CEP170: variants seen among roughly 807,000 people sequenced by gnomAD.
CEP170 encodes centrosomal protein 170.
In CEP170, 21 loss-of-function variants were observed where a neutral mutation model predicts 151.9. That is an observed-to-expected ratio of 0.14 (90% confidence interval 0.10 to 0.20). The LOEUF (loss-of-function observed/expected upper bound fraction) is 0.20. Among genes scored for constraint, CEP170 ranks in the 10% least tolerant of loss-of-function variants. CEP170 has a pLI of 1.00. For synonymous variants in CEP170, 356 were observed against 648.8 expected (o/e 0.55, Z 6.86); for missense variants, 964 against 1,892.9 (o/e 0.51, Z 9.11).
chr1:243,221,547 T>C (rs1187434619), intron 3 of CEP170, 177 bp downstream of exon 3: 1 of 559,236 alleles, frequency 1.8e-6, no homozygotes, highest in African/African-American at 2.0e-5. Flanking sequence ...CTTTGGAATA[T>C]GGGCTAGTTT....
At chr1:243,149,605 CTT>C (rs1362492973) in intron 14 of CEP170, among the ~76,000 whole-genome samples, 1 of 152,138 alleles carries the variant, frequency 6.6e-6, no homozygotes, top group Non-Finnish European at 1.5e-5. Flanking sequence ...GCAGATATGC[CTT>C]ATTGCTTGAT....
chr1:243,128,162 A>G, intron 19 of CEP170, 87 bp downstream of exon 19: 2 of 1,245,814 alleles, frequency 1.6e-6, no homozygotes, highest in South Asian at 1.7e-5. Flanking sequence ...ATCAAATAAC[A>G]TCCTAACAAT....
Position 243,124,724 on chromosome 1 carries a change from CTT to C in CEP170, c.*1723_*1724del, listed in dbSNP as rs1469517993. ...GAGCAATGCTGATTATTTTGTCCAA[CTT>C]TTTCTTCAAATGGATTGACCCTGTT... On this transcript the variant is annotated 3_prime_UTR_variant, in exon 20 of 20. Transcript: ENST00000366542. 1 of 152,566 alleles carries C rather than the reference CTT, an allele frequency of 6.6e-6. No individual in the cohort carries two copies. Among genetic ancestry groups the C allele is most frequent in the African/African-American group, 2.4e-5 (1 of 41,448 alleles). 9.5% of individuals were successfully genotyped at this position (152,566 alleles called of 1,614,324 possible).
chr1:243,191,797 G>T lies in CEP170; in HGVS notation c.632-303C>A, dbSNP rs145616699. On this transcript the variant is annotated intron_variant, in intron 7 of 19. Coordinates refer to ENST00000366542, the MANE Select transcript of CEP170 (RefSeq NM_014812.3). ...CCATATTTTTTCCAACCTGGATCTA[G>T]AATTCATCAAGGTCCAAAAGAATTA... Among the ~76,000 whole-genome samples, 13 of 152,214 alleles carry T rather than the reference G, an allele frequency of 8.5e-5. No homozygotes were observed. In the East Asian group the frequency reaches 2.5e-3, roughly 29 times the overall value.
chr1:243,158,647 G>C (rs1400524092), intron 13 of CEP170, among the ~76,000 whole-genome samples: 1 of 152,112 alleles, frequency 6.6e-6, no homozygotes, highest in African/African-American at 2.4e-5. Flanking sequence ...GGATCAAAAT[G>C]CAATTACATT....
At chr1:243,204,215 CTGAA>C (rs1249087293) in intron 4 of CEP170, among the ~76,000 whole-genome samples, 1 of 152,146 alleles carries the variant, frequency 6.6e-6, no homozygotes, top group Admixed American at 6.6e-5. Flanking sequence ...CTTAACTTCT[CTGAA>C]TGAAAGTTCT....
intron 14 of CEP170, among the ~76,000 whole-genome samples, chr1:243,153,819 A>C (rs1043020597): frequency 7.9e-5 from 12 of 152,218 alleles, no homozygotes; most frequent in African/African-American, 2.9e-4. Context: ...TACTGTAGAT[A>C]ATCTTCCAGT....
At chr1:243,191,634 C>T in intron 7 of CEP170, 140 bp from the exon 8 acceptor site, 1 of 616,810 alleles carries the variant, frequency 1.6e-6, no homozygotes, top group Non-Finnish European at 2.8e-6. Flanking sequence ...GCATTTATAT[C>T]ACAGAACAAA....
intron 1 of CEP170, among the ~76,000 whole-genome samples, chr1:243,232,681 A>C (rs1440773678): frequency 6.6e-6 from 1 of 152,194 alleles, no homozygotes; most frequent in African/African-American, 2.4e-5. Context: ...GGACACATAA[A>C]GATAAAACAA....
intron 1 of CEP170, among the ~76,000 whole-genome samples, chr1:243,233,136 T>C (rs1355982679): frequency 6.6e-6 from 1 of 152,220 alleles, no homozygotes; most frequent in Non-Finnish European, 1.5e-5. Context: ...CTGTTTTCAC[T>C]AGCAATCTGA....
chr1:243,207,257 A>G (rs1168701155), intron 4 of CEP170, among the ~76,000 whole-genome samples: 1 of 152,180 alleles, frequency 6.6e-6, no homozygotes, highest in Admixed American at 6.5e-5. Flanking sequence ...TATTAAGACA[A>G]ACTAGATTTC....
chr1:243,195,539 A>G (rs1017822118), intron 7 of CEP170, among the ~76,000 whole-genome samples: 1 of 152,026 alleles, frequency 6.6e-6, no homozygotes, highest in Non-Finnish European at 1.5e-5. Context: ...ATTACTAGGT[A>G]GCAAACACTC....
At chr1:243,238,433 G>A (rs2064467418) in intron 1 of CEP170, among the ~76,000 whole-genome samples, 1 of 152,030 alleles carries the variant, frequency 6.6e-6, no homozygotes, top group Admixed American at 6.6e-5. Context: ...CACTCTAGCT[G>A]GGGCAACACA....
intron 6 of CEP170, 122 bp from the exon 7 acceptor site, chr1:243,199,316 C>T (rs2060869821): frequency 2.2e-6 from 2 of 907,344 alleles, no homozygotes; most frequent in Admixed American, 2.8e-5. Context: ...GTCTTGATAG[C>T]TAAAATGTAC....
chr1:243,223,501 G>C (rs1053355596), intron 2 of CEP170, among the ~76,000 whole-genome samples: 1 of 152,200 alleles, frequency 6.6e-6, no homozygotes, highest in Admixed American at 6.5e-5. Context: ...GCTTCACTAA[G>C]TGAACAACTT....
Position 243,217,067 on chromosome 1 carries a change from T to A in CEP170, c.195+4657A>T, listed in dbSNP as rs138633222. 1.4e-3 allele frequency among the ~76,000 whole-genome samples: 216 copies of A among 152,290 alleles called. 1 individual carries two copies. Among genetic ancestry groups the A allele is most frequent in the African/African-American group, 5.0e-3 (206 of 41,548 alleles). On this transcript the variant is annotated intron_variant, in intron 3 of 19. Transcript: ENST00000366542. The stretch of plus-strand genomic sequence containing the variant: ...CTACACACCCAGGCTGTATTGTATA[T>A]CCTATTGCTCCTAGGCTACAAATCT...
chr1:243,131,274 T>C (rs932008348), intron 17 of CEP170, among the ~76,000 whole-genome samples: 2 of 152,126 alleles, frequency 1.3e-5, no homozygotes, highest in African/African-American at 4.8e-5. Flanking sequence ...GGTGGATCAC[T>C]TGATGCCAGG....
Position 243,254,636 on chromosome 1 carries a change from C to T in CEP170, c.-42+404G>A, listed in dbSNP as rs561189593. 4.6e-5 allele frequency among the ~76,000 whole-genome samples: 7 copies of T among 152,362 alleles called. No individual in the cohort carries two copies. In the East Asian group the frequency reaches 1.4e-3, roughly 29 times the overall value. ...GGCAGCGCAGCCATTCCCTCCAATGCTCCGCCCGCACCCCTCGCAAACTGC... is the reference window on the plus strand; with the variant it reads ...GGCAGCGCAGCCATTCCCTCCAATGTTCCGCCCGCACCCCTCGCAAACTGC... On this transcript the variant is annotated intron_variant, in intron 1 of 19. Transcript: ENST00000366542.
At chr1:243,132,150 T>C (rs1330965373) in intron 17 of CEP170, among the ~76,000 whole-genome samples, 1 of 152,204 alleles carries the variant, frequency 6.6e-6, no homozygotes, top group Admixed American at 6.5e-5. Flanking sequence ...CAGTAGACAT[T>C]TGAGGTTATA....
Sources: gnomAD v4.1 joint callset for allele counts (sites outside exome capture counted in the v4.1 genomes callset) on GRCh38, gnomAD v4.1.1 for gene constraint, MANE v1.5 for transcripts, NCBI Gene and HGNC (gene_info 2026-07-23, HGNC 2026-07-21) for gene names.